The following LAMA3 variants were observed in gnomAD, a reference collection of about 807,000 sequenced individuals.
LAMA3 encodes the protein laminin subunit alpha-3.
In LAMA3, 281 loss-of-function variants were observed where a neutral mutation model predicts 402.0. The ratio of observed to expected loss-of-function variants is 0.70; its 90% CI spans 0.63 to 0.77. The LOEUF is 0.77. Ranked by LOEUF, LAMA3 falls within the 30% of genes least tolerant of loss-of-function variation. The pLI is 0.00. For missense variants in LAMA3, 3,840 were observed against 4,215.5 expected, an observed-to-expected ratio of 0.91 and a Z score of 2.47; for synonymous variants, 1,431 against 1,558.4, an observed-to-expected ratio of 0.92 and a Z score of 1.93.
chr18:23,915,253 G>T, intron 58 of LAMA3, 36 bp from the exon 59 acceptor site: 1 of 1,608,052 alleles, frequency 6.2e-7, no homozygotes, highest in Non-Finnish European at 8.5e-7. Flanking sequence ...ATTGTCCTTT[G>T]TTCAATTGGT....
At chr18:23,775,678 A>G in intron 9 of LAMA3, 114 bp from the exon 10 acceptor site, 1 of 1,220,554 alleles carries the variant, frequency 8.2e-7, no homozygotes, top group Non-Finnish European at 1.2e-6. Flanking sequence ...CCCTTTCAAG[A>G]ATACCTATAG....
intron 12 of LAMA3, among the ~76,000 whole-genome samples, chr18:23,796,409 G>A (rs916927337): frequency 6.6e-6 from 1 of 152,134 alleles, no homozygotes; most frequent in African/African-American, 2.4e-5. Flanking sequence ...GGGAAGAGAG[G>A]TACCCCCATG....
intron 1 of LAMA3, among the ~76,000 whole-genome samples, chr18:23,693,636 G>T (rs1457620711): frequency 6.6e-6 from 1 of 151,824 alleles, no homozygotes; most frequent in African/African-American, 2.4e-5. Flanking sequence ...CTATATTATA[G>T]AAATAGTAAC....
chr18:23,916,611 T>A lies in LAMA3; in HGVS notation c.7839T>A (p.Thr2613=), dbSNP rs1349256556. The change falls in exon 60 of 75, where the codon ACT becomes ACA. Residue 2613 remains threonine, a synonymous_variant. Transcript: ENST00000313654. ...GTACGGGCTATGCTCGAGTTCCAAC[T>A]CAACCACATGCTCCCATCCCAACCT... ...FEGTGYARVP[T]QPHAPIPTFG... The A allele has an allele frequency of 1.2e-6, 2 of 1,614,022 alleles. No homozygotes were observed. Among genetic ancestry groups the A allele is most frequent in the African/African-American group, 1.3e-5 (1 of 74,932 alleles).
At chr18:23,891,737 G>A (rs2080673815) in intron 42 of LAMA3, among the ~76,000 whole-genome samples, 1 of 152,166 alleles carries the variant, frequency 6.6e-6, no homozygotes, top group African/African-American at 2.4e-5. Flanking sequence ...AAAGCTTAAG[G>A]TTGTCATCAG....
intron 1 of LAMA3, among the ~76,000 whole-genome samples, chr18:23,705,405 A>AGATGTATG (rs2060867471): frequency 6.6e-6 from 1 of 151,790 alleles, no homozygotes; most frequent in South Asian, 2.1e-4. Context: ...GCCCACTACC[A>AGATGTATG]GATGTATGGG....
chr18:23,730,939 G>T (rs184225157), intron 2 of LAMA3, among the ~76,000 whole-genome samples: 1 of 152,054 alleles, frequency 6.6e-6, no homozygotes, highest in Non-Finnish European at 1.5e-5. Flanking sequence ...AACTTTATGA[G>T]CTTACCAAGG....
chr18:23,877,625 T>C (rs1011811061), intron 39 of LAMA3, among the ~76,000 whole-genome samples: 1 of 152,172 alleles, frequency 6.6e-6, no homozygotes, highest in African/African-American at 2.4e-5. Flanking sequence ...CTCTGCAAGA[T>C]GGGACAGGCT....
chr18:23,689,681 T>C lies in LAMA3; in HGVS notation c.-3T>C, dbSNP rs745616926. The C allele has an allele frequency of 6.4e-5, 84 of 1,315,120 alleles. No individual in the cohort carries two copies. Among genetic ancestry groups the C allele is most frequent in the Non-Finnish European group, 7.3e-5 (76 of 1,038,550 alleles). 81.5% of individuals were successfully genotyped at this position (1,315,120 alleles called of 1,614,324 possible). ...CTCAGGCGGGAGGACCCCGCGCGGC[T>C]GGATGGCGGCGGCCGCGCGGCCTCG... On this transcript the variant is annotated 5_prime_UTR_variant, in exon 1 of 75. Coordinates refer to ENST00000313654, the MANE Select transcript of LAMA3 (RefSeq NM_198129.4).
At chr18:23,709,769 T>TTTTC (rs943122987) in intron 1 of LAMA3, 26 of 582,554 alleles carry the variant, frequency 4.5e-5, no homozygotes, top group South Asian at 1.4e-4. Flanking sequence ...TTTGATTGTC[T>TTTTC]TTTCTTTCTT....
Position 23,751,005 on chromosome 18 carries a change from A to G in LAMA3, c.772A>G (p.Ile258Val), listed in dbSNP as rs1332408250. The G allele has an allele frequency of 1.9e-6, 3 of 1,614,114 alleles. No homozygotes were observed. The highest frequency in any genetic ancestry group is 2.5e-6 in the Non-Finnish European group (3 of 1,180,052). Residue 258 changes from isoleucine (I) to valine (V), a missense_variant, in exon 5 of 75, where the codon ATC (isoleucine) becomes GTC (valine). Around this residue, in one of 3 missense-constraint regions of LAMA3, gnomAD observed 2,109 missense variants for 2,376.0 expected, o/e 0.89. Coordinates refer to ENST00000313654, the MANE Select transcript of LAMA3 (RefSeq NM_198129.4). Reference sequence around the variant, plus strand: ...GAGGGAGTTTACCAAGGCAACAAACATCCGCTTGCGTTTTCTTAGAACCAA... The same window carrying G: ...GAGGGAGTTTACCAAGGCAACAAACGTCCGCTTGCGTTTTCTTAGAACCAA... ...TLREFTKATN[I>V]RLRFLRTNTL...
chr18:23,709,112 C>T (rs1037536950), intron 1 of LAMA3, among the ~76,000 whole-genome samples: 1 of 151,170 alleles, frequency 6.6e-6, no homozygotes, highest in African/African-American at 2.4e-5. Context: ...GCTCTGTTGC[C>T]CAGACTGGAG....
intron 32 of LAMA3, among the ~76,000 whole-genome samples, chr18:23,856,504 C>T (rs779531664): frequency 6.6e-6 from 1 of 152,164 alleles, no homozygotes; most frequent in Non-Finnish European, 1.5e-5. Flanking sequence ...CCCCAGGGCT[C>T]GCGGCACTTT....
intron 64 of LAMA3, 65 bp from the exon 65 acceptor site, chr18:23,930,997 G>A (rs1210688844): frequency 6.3e-6 from 9 of 1,428,638 alleles, no homozygotes; most frequent in Non-Finnish European, 8.9e-6. Context: ...GATAAATTCA[G>A]TAAAGATACA....
chr18:23,875,488 C>G (rs1320180031), intron 38 of LAMA3, among the ~76,000 whole-genome samples: 1 of 152,176 alleles, frequency 6.6e-6, no homozygotes, highest in Non-Finnish European at 1.5e-5. Flanking sequence ...GGCTGAGCCT[C>G]TGTGTGTTCG....
Position 23,800,511 on chromosome 18 carries a change from C to T in LAMA3, c.1604-9855C>T, listed in dbSNP as rs142470070. The stretch of plus-strand genomic sequence containing the variant: ...TCAGTAATTAGCTTATCTATCACCT[C>T]GAACATTCATTTCTTTGTTTTGTGA... On this transcript the variant is annotated intron_variant, in intron 12 of 74. Coordinates refer to ENST00000313654, the MANE Select transcript of LAMA3 (RefSeq NM_198129.4). Among the ~76,000 whole-genome samples the T allele has an allele frequency of 4.0e-3, 607 of 152,268 alleles. 4 individuals are homozygous for T. Among genetic ancestry groups the T allele is most frequent in the African/African-American group, 0.014 (569 of 41,528 alleles).
At chr18:23,880,843 C>T (rs2064871775) in intron 39 of LAMA3, among the ~76,000 whole-genome samples, 1 of 152,286 alleles carries the variant, frequency 6.6e-6, no homozygotes, top group East Asian at 1.9e-4. Context: ...GGCCATTGCA[C>T]TCCAGCCCGG....
intron 32 of LAMA3, among the ~76,000 whole-genome samples, chr18:23,856,691 T>G (rs2064088384): frequency 6.6e-6 from 1 of 152,132 alleles, no homozygotes; most frequent in South Asian, 2.1e-4. Flanking sequence ...CCACTGTGCT[T>G]TCCTCTGAGC....
intron 8 of LAMA3, among the ~76,000 whole-genome samples, 175 bp from the exon 9 acceptor site, chr18:23,773,322 A>G (rs749356196): frequency 6.6e-6 from 1 of 152,244 alleles, no homozygotes; most frequent in Non-Finnish European, 1.5e-5. Context: ...GATTAAGCCA[A>G]TCCTATGGTA....
Sources: gnomAD v4.1 joint callset for allele counts (sites outside exome capture counted in the v4.1 genomes callset) on GRCh38, gnomAD v4.1.1 for gene constraint, gnomAD v4.1.1 regional missense constraint, MANE v1.5 for transcripts, NCBI Gene and HGNC (gene_info 2026-07-23, HGNC 2026-07-21) for gene names.